The following THSD7B variants were observed in gnomAD, a reference collection of about 807,000 sequenced individuals.
THSD7B encodes the protein thrombospondin type-1 domain-containing protein 7B.
Under a neutral mutation model 213.6 loss-of-function variants are expected in THSD7B, and 138 were observed. The ratio of observed to expected loss-of-function variants is 0.65; its 90% CI spans 0.56 to 0.74. The LOEUF is 0.74. Ranked by LOEUF, THSD7B falls within the 30% of genes least tolerant of loss-of-function variation. THSD7B has a pLI of 0.00. For synonymous variants in THSD7B, 742 were observed against 687.0 expected, an observed-to-expected ratio of 1.08 and a Z score of -1.25; for missense variants, 1,931 against 1,991.5, an observed-to-expected ratio of 0.97 and a Z score of 0.58.
intron 12 of THSD7B, among the ~76,000 whole-genome samples, chr2:137,378,520 A>T (rs572188744): frequency 1.3e-5 from 2 of 152,150 alleles, no homozygotes; most frequent in Non-Finnish European, 2.9e-5. Flanking sequence ...ATCATGGCTG[A>T]TGGAGATTAT....
intron 15 of THSD7B, among the ~76,000 whole-genome samples, chr2:137,527,976 T>C (rs952060293): frequency 1.3e-5 from 2 of 152,100 alleles, no homozygotes; most frequent in Non-Finnish European, 2.9e-5. Flanking sequence ...CATGAACTTT[T>C]CAGCCGTAAG....
intron 4 of THSD7B, among the ~76,000 whole-genome samples, chr2:137,109,273 T>C (rs913911244): frequency 6.6e-5 from 10 of 152,166 alleles, no homozygotes; most frequent in African/African-American, 2.4e-4. Context: ...CCCAAAATTG[T>C]CCAACGATTT....
chr2:137,279,950 T>G (rs535585232), intron 12 of THSD7B, among the ~76,000 whole-genome samples: 2 of 152,310 alleles, frequency 1.3e-5, no homozygotes, highest in East Asian at 1.9e-4. Context: ...GAGTTTGAAC[T>G]CAGACCATAA....
At chr2:137,352,822 A>G (rs1340907551) in intron 12 of THSD7B, among the ~76,000 whole-genome samples, 2 of 152,074 alleles carry the variant, frequency 1.3e-5, no homozygotes, top group African/African-American at 4.8e-5. Flanking sequence ...ATTGAGAAAA[A>G]ATAAACTTCT....
rs150781567 is a variant in THSD7B, at chr2:137,262,741, C to G, written c.2267-9792C>G. Among the ~76,000 whole-genome samples, 13 of 152,204 alleles carry G rather than the reference C, an allele frequency of 8.5e-5. No individual in the cohort carries two copies. The East Asian group carries it at 2.5e-3, about 30-fold the overall frequency. On this transcript the variant is annotated intron_variant, in intron 10 of 27. Transcript: ENST00000409968. The stretch of plus-strand genomic sequence containing the variant: ...TTACTTATTGGATGCATAAGAAACT[C>G]TTCTTTAGTTGTGCTAAATCGGTGG...
Position 136,777,150 on chromosome 2 carries a change from G to A in THSD7B, c.-36+11463G>A, listed in dbSNP as rs146841073. Among the ~76,000 whole-genome samples, 218 of 152,292 alleles carry A rather than the reference G, an allele frequency of 1.4e-3. 1 individual carries two copies. The highest frequency in any genetic ancestry group is 5.0e-3 in the African/African-American group (208 of 41,558). On this transcript the variant is annotated intron_variant, in intron 1 of 27. Coordinates refer to ENST00000409968, the MANE Select transcript of THSD7B (RefSeq NM_001316349.2). ...GATCTGAATAACACAATCAGATTAT[G>A]CATTCTCTTGGATTTAGAGAAGCTT...
intron 4 of THSD7B, among the ~76,000 whole-genome samples, chr2:137,112,904 A>G (rs1688374560): frequency 6.6e-6 from 1 of 152,254 alleles, no homozygotes. Context: ...TGGTATTATT[A>G]TCTCCCTTGT....
At chr2:136,850,173 G>A (rs1683076620) in intron 1 of THSD7B, among the ~76,000 whole-genome samples, 1 of 151,814 alleles carries the variant, frequency 6.6e-6, no homozygotes, top group Non-Finnish European at 1.5e-5. Context: ...TTAATCTTAT[G>A]TGTTTTGAGA....
Position 137,450,311 on chromosome 2 carries a change from A to T in THSD7B, c.2960-534A>T, listed in dbSNP as rs184335764. Among the ~76,000 whole-genome samples the T allele has an allele frequency of 3.4e-3, 524 of 152,262 alleles. 6 individuals are homozygous for T. The highest frequency in any genetic ancestry group is 0.012 in the African/African-American group (501 of 41,536). On this transcript the variant is annotated intron_variant, in intron 14 of 27. Transcript: ENST00000409968. ...TCTCTTGATTTCAGTGCAATATCTCATTTTACAACTTTTTGCTATTCTTCT... is the reference window on the plus strand; with the variant it reads ...TCTCTTGATTTCAGTGCAATATCTCTTTTTACAACTTTTTGCTATTCTTCT...
At chr2:136,836,290 T>C (rs1195827629) in intron 1 of THSD7B, among the ~76,000 whole-genome samples, 1 of 152,178 alleles carries the variant, frequency 6.6e-6, no homozygotes, top group Middle Eastern at 3.2e-3. Flanking sequence ...CAACTGGACC[T>C]GAGGGTGTTA....
At chr2:136,770,658 C>T (rs1423718021) in intron 1 of THSD7B, among the ~76,000 whole-genome samples, 1 of 152,164 alleles carries the variant, frequency 6.6e-6, no homozygotes, top group Admixed American at 6.5e-5. Flanking sequence ...TTCTGATTGG[C>T]TTATGCCCCA....
chr2:137,326,023 A>G (rs1204677786), intron 12 of THSD7B, among the ~76,000 whole-genome samples: 1 of 152,206 alleles, frequency 6.6e-6, no homozygotes, highest in African/African-American at 2.4e-5. Flanking sequence ...TATACCATTG[A>G]CTTGGATCGG....
intron 1 of THSD7B, among the ~76,000 whole-genome samples, chr2:136,781,473 T>A (rs867606337): frequency 1.3e-5 from 2 of 151,714 alleles, no homozygotes; most frequent in African/African-American, 4.8e-5. Flanking sequence ...GGTTTCACCA[T>A]GTTGGCCAGG....
chr2:137,047,622 C>A (rs1393263853), intron 2 of THSD7B, among the ~76,000 whole-genome samples: 1 of 152,168 alleles, frequency 6.6e-6, no homozygotes, highest in Non-Finnish European at 1.5e-5. Flanking sequence ...GTTCCAGTGG[C>A]CATCTCAAGC....
intron 20 of THSD7B, among the ~76,000 whole-genome samples, chr2:137,634,079 G>C (rs561497496): frequency 2.0e-4 from 30 of 152,166 alleles, no homozygotes; most frequent in Non-Finnish European, 1.2e-4. Context: ...TAAATCCATA[G>C]GGGGAAAACC....
intron 3 of THSD7B, among the ~76,000 whole-genome samples, chr2:137,075,599 C>T (rs1687604165): frequency 6.6e-6 from 1 of 152,192 alleles, no homozygotes; most frequent in Admixed American, 6.5e-5. Context: ...TAAAGTCATT[C>T]TCCGTCCAGC....
intron 1 of THSD7B, among the ~76,000 whole-genome samples, chr2:136,786,119 G>T (rs1181207670): frequency 6.6e-6 from 1 of 151,996 alleles, no homozygotes; most frequent in Non-Finnish European, 1.5e-5. Flanking sequence ...TACAGAAGCA[G>T]TCATATGCAG....
chr2:137,085,167 A>G (rs1687815883), intron 3 of THSD7B, among the ~76,000 whole-genome samples: 1 of 152,220 alleles, frequency 6.6e-6, no homozygotes, highest in Non-Finnish European at 1.5e-5. Flanking sequence ...AGACTTATGG[A>G]TACTGGCATT....
At chr2:137,661,134 T>C (rs1425318862) in intron 25 of THSD7B, among the ~76,000 whole-genome samples, 2 of 152,168 alleles carry the variant, frequency 1.3e-5, no homozygotes, top group Non-Finnish European at 2.9e-5. Context: ...AATCTTATGC[T>C]TATTCTCTTC....
Sources: allele counts gnomAD v4.1 joint callset (sites outside exome capture counted in the v4.1 genomes callset), GRCh38; gene constraint gnomAD v4.1.1; transcripts MANE v1.5; gene names NCBI Gene and HGNC (gene_info 2026-07-23, HGNC 2026-07-21).